The following OPRM1 variants were observed in gnomAD, a reference collection of about 807,000 sequenced individuals.
The protein encoded by OPRM1 is opioid receptor mu 1, also known as mu-type opioid receptor.
OPRM1 carries 27 observed loss-of-function variants against 31.8 expected under a neutral mutation model. The ratio of observed to expected loss-of-function variants is 0.85; its 90% confidence interval spans 0.63 to 1.17. The LOEUF (loss-of-function observed/expected upper bound fraction) is 1.17. Ranked by LOEUF, OPRM1 falls within the 50% of genes most tolerant of loss-of-function variation. The pLI, the probability that OPRM1 is intolerant of heterozygous loss-of-function variation, is 0.00. For missense variants in OPRM1, 536 were observed against 511.1 expected, an observed-to-expected ratio of 1.05 and a Z score of -0.47; for synonymous variants, 196 against 189.9, an observed-to-expected ratio of 1.03 and a Z score of -0.26.
upstream of OPRM1, among the ~76,000 whole-genome samples, chr6:154,037,570 T>A (rs1284842303): frequency 6.6e-6 from 1 of 152,110 alleles, no homozygotes; most frequent in Non-Finnish European, 1.5e-5. Flanking sequence ...AACTACATCT[T>A]ATAAGAAACA....
At chr6:154,111,578 T>C (rs527906984) in intron 3 of OPRM1, among the ~76,000 whole-genome samples, 11 of 152,280 alleles carry the variant, frequency 7.2e-5, no homozygotes, top group Admixed American at 6.5e-4. Context: ...TTTTCTTTAG[T>C]TCCAAAAGTG....
At chr6:154,052,982 A>T (rs1782507029) in intron 1 of OPRM1, among the ~76,000 whole-genome samples, 1 of 152,206 alleles carries the variant, frequency 6.6e-6, no homozygotes, top group South Asian at 2.1e-4. Flanking sequence ...ACTGAGGTTG[A>T]AGTTGTGCTA....
chr6:154,074,627 G>A (rs1319885073), intron 1 of OPRM1, among the ~76,000 whole-genome samples: 1 of 152,068 alleles, frequency 6.6e-6, no homozygotes, highest in African/African-American at 2.4e-5. Flanking sequence ...AGGCGTGGTG[G>A]TACACTCCTG....
chr6:154,054,390 A>AAG (rs1554260441), intron 1 of OPRM1, among the ~76,000 whole-genome samples: 139 of 138,080 alleles, frequency 1.0e-3, no homozygotes, highest in Non-Finnish European at 1.4e-3. Context: ...AAAAAAAAAA[A>AAG]GGAAACCCGC....
At chr6:154,199,788 C>G in intron 3 of OPRM1, 1 of 1,614,218 alleles carries the variant, frequency 6.2e-7, no homozygotes, top group Non-Finnish European at 8.5e-7. Flanking sequence ...TCTGATGTGA[C>G]AAAACTGTTT....
At chr6:154,051,611 A>G (rs1416219982) in intron 1 of OPRM1, among the ~76,000 whole-genome samples, 1 of 152,248 alleles carries the variant, frequency 6.6e-6, no homozygotes, top group Non-Finnish European at 1.5e-5. Flanking sequence ...AGAAATGCAA[A>G]TCAAAACTAC....
intron 1 of OPRM1, among the ~76,000 whole-genome samples, chr6:154,085,046 C>T (rs1790205768): frequency 6.6e-6 from 1 of 151,966 alleles, no homozygotes. Context: ...AAATAATTAA[C>T]CACAAAACTA....
At chr6:154,230,882 C>A (rs994754603) in intron 3 of OPRM1, among the ~76,000 whole-genome samples, 1 of 151,600 alleles carries the variant, frequency 6.6e-6, no homozygotes, top group East Asian at 1.9e-4. Flanking sequence ...GAAAAAAAAA[C>A]AGCTAAAAAA....
At chr6:154,134,991 T>C (rs1798019394), downstream of OPRM1, among the ~76,000 whole-genome samples, 1 of 152,230 alleles carries the variant, frequency 6.6e-6, no homozygotes, top group South Asian at 2.1e-4. Context: ...TCTATGGGTT[T>C]CCCAGAGCCA....
At chr6:154,185,260 A>T (rs1801236853) in intron 3 of OPRM1, among the ~76,000 whole-genome samples, 1 of 152,224 alleles carries the variant, frequency 6.6e-6, no homozygotes, top group South Asian at 2.1e-4. Context: ...ATTTCCAGGG[A>T]GCAGCTATAG....
At chr6:154,013,886 ACT>A (rs1777861729) in intron 1 of OPRM1, among the ~76,000 whole-genome samples, 1 of 152,140 alleles carries the variant, frequency 6.6e-6, no homozygotes, top group African/African-American at 2.4e-5. Context: ...GAACTAGCAC[ACT>A]GTCACTTCCA....
intron 1 of OPRM1, among the ~76,000 whole-genome samples, chr6:154,054,948 G>A (rs1172393497): frequency 1.3e-5 from 2 of 152,178 alleles, no homozygotes; most frequent in Non-Finnish European, 2.9e-5. Flanking sequence ...CCCCTTACTA[G>A]TGACTACACT....
At chr6:154,220,044 G>A (rs1238183869) in intron 3 of OPRM1, among the ~76,000 whole-genome samples, 4 of 150,108 alleles carry the variant, frequency 2.7e-5, no homozygotes, top group Non-Finnish European at 5.9e-5. Context: ...GCACATGTTT[G>A]GTGAAAGGCA....
chr6:154,221,714 A>T (rs1226482465), intron 3 of OPRM1, among the ~76,000 whole-genome samples: 1 of 152,070 alleles, frequency 6.6e-6, no homozygotes, highest in Non-Finnish European at 1.5e-5. Context: ...TCTACTAAAT[A>T]TACAAAAAAA....
chr6:154,233,886 C>G (rs1474737135), intron 3 of OPRM1, among the ~76,000 whole-genome samples: 1 of 152,164 alleles, frequency 6.6e-6, no homozygotes. Context: ...GAGCTCTCAA[C>G]CAGCAACGAA....
intron 3 of OPRM1, among the ~76,000 whole-genome samples, chr6:154,201,106 C>T (rs968407215): frequency 3.3e-5 from 5 of 152,156 alleles, no homozygotes; most frequent in East Asian, 1.9e-4. Flanking sequence ...GTTTCCCCTT[C>T]GCCTTCCTCC....
intron 1 of OPRM1, among the ~76,000 whole-genome samples, chr6:154,061,782 A>G (rs1054722762): frequency 6.6e-6 from 1 of 151,876 alleles, no homozygotes; most frequent in Admixed American, 6.6e-5. Context: ...CAATTTACCT[A>G]TGTAATAAAC....
chr6:154,011,224 C>T (rs1376201891), intron 1 of OPRM1, among the ~76,000 whole-genome samples: 3 of 152,078 alleles, frequency 2.0e-5, no homozygotes, highest in Non-Finnish European at 4.4e-5. Flanking sequence ...TGTGTGTGTG[C>T]ATGTCTGTGT....
intron 3 of OPRM1, among the ~76,000 whole-genome samples, chr6:154,149,617 T>C (rs1278938053): frequency 6.7e-6 from 1 of 149,992 alleles, no homozygotes; most frequent in African/African-American, 2.5e-5. Context: ...TGTGTGTGTG[T>C]GTGCGCGCGT....
Sources: allele counts gnomAD v4.1 joint callset (sites outside exome capture counted in the v4.1 genomes callset), GRCh38; gene constraint gnomAD v4.1.1; transcripts MANE v1.5; gene names NCBI Gene and HGNC (gene_info 2026-07-23, HGNC 2026-07-21).